The following CELA3B variants were observed in gnomAD, a reference collection of about 807,000 sequenced individuals.
The protein encoded by CELA3B is chymotrypsin like elastase 3B, also known as chymotrypsin-like elastase family member 3B.
In CELA3B, 34 loss-of-function variants were observed where a neutral mutation model predicts 37.2. The ratio of observed to expected loss-of-function variants is 0.91; its 90% CI spans 0.70 to 1.22. The LOEUF (loss-of-function observed/expected upper bound fraction) is 1.22, where lower values mean the gene tolerates loss of function less well. CELA3B is among the 50% of genes most tolerant of loss of function. The pLI is 0.00. For missense variants in CELA3B, 340 were observed against 363.1 expected, an observed-to-expected ratio of 0.94 and a Z score of 0.52; for synonymous variants, 127 against 143.5, an observed-to-expected ratio of 0.89 and a Z score of 0.82.
At chr1:21,979,566 C>T (rs181782010) in intron 2 of CELA3B, among the ~76,000 whole-genome samples, 2 of 150,112 alleles carry the variant, frequency 1.3e-5, no homozygotes, top group East Asian at 4.0e-4. Flanking sequence ...AATCATCCCA[C>T]ATCAGCCTCC....
downstream of CELA3B, among the ~76,000 whole-genome samples, chr1:21,989,548 G>A (rs1319218500): frequency 6.9e-6 from 1 of 145,328 alleles, no homozygotes; most frequent in South Asian, 2.2e-4. Flanking sequence ...CAGGAGTGAA[G>A]ACACTGGACA....
At chr1:21,986,453 C>T (rs563506080) in intron 6 of CELA3B, 78 bp from the exon 7 acceptor site, 136 of 1,558,830 alleles carry the variant, frequency 8.7e-5, no homozygotes, top group African/African-American at 4.7e-4. Context: ...CGGAGTTTCT[C>T]GAAATCCCTA....
intron 4 of CELA3B, among the ~76,000 whole-genome samples, chr1:21,995,493 G>A (rs1644886975): frequency 1.3e-5 from 2 of 151,050 alleles, no homozygotes; most frequent in Non-Finnish European, 2.9e-5. Context: ...AACCACACTT[G>A]CCTGTCTCCC....
chr1:21,993,548 T>C (rs927506111), downstream of CELA3B, among the ~76,000 whole-genome samples: 4 of 151,426 alleles, frequency 2.6e-5, no homozygotes, highest in African/African-American at 9.8e-5. Context: ...TGAATTTCTT[T>C]AAAAAAAATT....
chr1:21,996,564 C>A (rs895143916), intron 4 of CELA3B, among the ~76,000 whole-genome samples: 2 of 151,170 alleles, frequency 1.3e-5, no homozygotes, highest in Non-Finnish European at 2.9e-5. Context: ...TATGGAGTAA[C>A]CATTCTTTAT....
intron 2 of CELA3B, among the ~76,000 whole-genome samples, chr1:21,979,572 C>G (rs1307159223): frequency 6.6e-6 from 1 of 150,886 alleles, no homozygotes; most frequent in Non-Finnish European, 1.5e-5. Context: ...CCCACATCAG[C>G]CTCCTGTGTA....
At chr1:21,982,077 T>C (rs896618460) in intron 4 of CELA3B, among the ~76,000 whole-genome samples, 3 of 152,146 alleles carry the variant, frequency 2.0e-5, no homozygotes, top group African/African-American at 7.2e-5. Flanking sequence ...CAGAGTTTTT[T>C]CTGGCGAGAG....
At chr1:21,988,091 G>C (rs948263786) in intron 7 of CELA3B, among the ~76,000 whole-genome samples, 4 of 149,878 alleles carry the variant, frequency 2.7e-5, no homozygotes, top group Admixed American at 2.7e-4. Context: ...GCATGCCTGT[G>C]GTCCCAGCTA....
chr1:21,997,834 A>AT (rs1644897393), intron 4 of CELA3B, among the ~76,000 whole-genome samples: 1 of 151,252 alleles, frequency 6.6e-6, no homozygotes, highest in South Asian at 2.1e-4. Flanking sequence ...ACTTTGTTTT[A>AT]TTTTCCTTTC....
chr1:21,980,918 T>C lies in CELA3B; in HGVS notation c.224T>C (p.Ile75Thr). Residue 75 changes from isoleucine to threonine, a missense_variant, in exon 3 of 8, where the codon ATC becomes ACC. By Grantham distance (89) the Ile-to-Thr change is moderately conservative. Transcript: ENST00000337107. ...PDWVVTAGHC[I>T]SSSRTYQVVL... ...TGGGTTGTGACTGCCGGCCACTGCA[T>C]CTCGTGAGTTCTCTACCCTGTCCCT... The C allele has an allele frequency of 1.2e-6, 2 of 1,613,544 alleles. No homozygotes were observed. Among genetic ancestry groups the C allele is most frequent in the Non-Finnish European group, 1.7e-6 (2 of 1,179,856 alleles).
chr1:21,983,627 A>C, intron 4 of CELA3B, 67 bp from the exon 5 acceptor site: 1 of 1,590,738 alleles, frequency 6.3e-7, no homozygotes, highest in Non-Finnish European at 8.6e-7. Flanking sequence ...AGCCTGGAGC[A>C]ACGGCTGGAA....
chr1:21,985,060 G>A (rs1644829784), intron 6 of CELA3B, among the ~76,000 whole-genome samples: 1 of 151,850 alleles, frequency 6.6e-6, no homozygotes, highest in South Asian at 2.1e-4. Flanking sequence ...CGGGAGGATT[G>A]CTTGAGGCTA....
rs1644819564 is a variant in CELA3B at position 21,983,735 on chromosome 1, T to C, written c.404T>C (p.Leu135Pro). 1 of 1,614,132 alleles carries C rather than the reference T, an allele frequency of 6.2e-7. No homozygotes were observed. The highest frequency in any genetic ancestry group is 8.5e-7 in the Non-Finnish European group (1 of 1,180,012). ...ALIKLSRSAQ[L>P]GDAVQLASLP... ...ATCAAGCTCTCACGCAGCGCCCAGCTGGGAGACGCCGTCCAGCTCGCCTCA... is the reference window on the plus strand; with the variant it reads ...ATCAAGCTCTCACGCAGCGCCCAGCCGGGAGACGCCGTCCAGCTCGCCTCA... Residue 135 changes from leucine (L) to proline (P), a missense_variant, in exon 5 of 8, where the codon CTG (leucine) becomes CCG (proline). Transcript: ENST00000337107.
chr1:21,988,895 G>GA (rs58298745), intron 7 of CELA3B, among the ~76,000 whole-genome samples: 6 of 135,114 alleles, frequency 4.4e-5, no homozygotes, highest in South Asian at 2.6e-4. Context: ...GTCTCAAAAA[G>GA]AAAAAAAACT....
chr1:21,992,851 G>A (rs1165874666), downstream of CELA3B, among the ~76,000 whole-genome samples: 1 of 150,750 alleles, frequency 6.6e-6, no homozygotes, highest in Non-Finnish European at 1.5e-5. Context: ...TGTAGTCCCA[G>A]CTACTTGGGA....
At chr1:21,981,618 T>C (rs1644804981) in intron 4 of CELA3B, among the ~76,000 whole-genome samples, 1 of 152,094 alleles carries the variant, frequency 6.6e-6, no homozygotes, top group Non-Finnish European at 1.5e-5. Context: ...ACTGGCCTTC[T>C]CTGGGCCTTA....
intron 2 of CELA3B, among the ~76,000 whole-genome samples, chr1:21,979,222 G>A (rs1205181353): frequency 6.6e-6 from 1 of 150,808 alleles, no homozygotes; most frequent in Non-Finnish European, 1.5e-5. Context: ...ACAGGCATGC[G>A]CCACCAAGCC....
At chr1:21,985,722 T>G (rs1417588583) in intron 6 of CELA3B, among the ~76,000 whole-genome samples, 3 of 151,778 alleles carry the variant, frequency 2.0e-5, no homozygotes, top group Non-Finnish European at 4.4e-5. Flanking sequence ...AAACCTCGTC[T>G]CTACTAAAAA....
At position 21,977,026 on chromosome 1, in the gene CELA3B, T is replaced by G; in HGVS notation, c.-14T>G. ...CCCCAGGTTCTGTGCCCTTTTCCTA[T>G]CATCGCAAAACTCATGATGCTCCGG... On this transcript the variant is annotated 5_prime_UTR_variant, in exon 1 of 8. Transcript: ENST00000337107. The G allele has an allele frequency of 3.1e-6, 5 of 1,614,158 alleles. No individual in the cohort carries two copies. Among genetic ancestry groups the G allele is most frequent in the Non-Finnish European group, 4.2e-6 (5 of 1,180,036 alleles).
Sources: allele counts gnomAD v4.1 joint callset (sites outside exome capture counted in the v4.1 genomes callset), GRCh38; gene constraint gnomAD v4.1.1; transcripts MANE v1.5; gene names NCBI Gene and HGNC (gene_info 2026-07-23, HGNC 2026-07-21).